Variants in CDO1 observed in about 807,000 individuals in gnomAD.
CDO1 encodes the protein cysteine dioxygenase type 1.
In CDO1, 19 loss-of-function variants were observed where a neutral mutation model predicts 24.5. That is an observed-to-expected ratio of 0.77 (90% confidence interval 0.54 to 1.14). The LOEUF (loss-of-function observed/expected upper bound fraction) is 1.14, where lower values mean the gene tolerates loss of function less well. Ranked by LOEUF, CDO1 falls within the 50% of genes most tolerant of loss-of-function variation. The probability of loss-of-function intolerance (pLI) is 0.00; values close to 1 mark genes in which losing one functional copy is unlikely to be tolerated. For synonymous variants in CDO1, 91 were observed against 87.0 expected (o/e 1.05, Z -0.26); for missense variants, 244 against 244.8 (o/e 1.00, Z 0.02).
intron 3 of CDO1, among the ~76,000 whole-genome samples, chr5:115,810,065 A>G (rs1449981729): frequency 6.6e-6 from 1 of 152,228 alleles, no homozygotes; most frequent in Non-Finnish European, 1.5e-5. Context: ...CTCCAGCTGA[A>G]AGTAATTATT....
rs143367368 is a variant in CDO1 at position 115,806,428 on chromosome 5, T to C, written c.494A>G (p.His165Arg). The C allele has an allele frequency of 5.6e-6, 9 of 1,612,742 alleles. No homozygotes were observed. The highest frequency in any genetic ancestry group is 1.3e-5 in the African/African-American group (1 of 75,016). Reference sequence around the variant, plus strand: ...ATGTCCTGTTCTTTGATCAAAGGCATGGCATGTATCAAAAGGTGGACTGTA... The same window carrying C: ...ATGTCCTGTTCTTTGATCAAAGGCACGGCATGTATCAAAAGGTGGACTGTA... ...HLYSPPFDTC[H>R]AFDQRTGHKN... Residue 165 changes from histidine to arginine, a missense_variant, in exon 4 of 5, where the codon CAT (histidine) becomes CGT (arginine). Transcript: ENST00000250535.
rs764835868 is a variant in CDO1, at chr5:115,806,377, T to C, written c.545A>G (p.His182Arg). ...TGGAGTTCTGATTCCAAATTTACTA[T>C]GGAATGTCATTGTGACTTTGTTTTT... is the stretch of plus-strand genomic sequence containing the variant. ...GHKNKVTMTF[H>R]SKFGIRTPNA... Residue 182 changes from histidine to arginine, a missense_variant, in exon 4 of 5, where the codon CAT (histidine) becomes CGT (arginine). Coordinates refer to ENST00000250535, the MANE Select transcript of CDO1 (RefSeq NM_001801.3). The C allele has an allele frequency of 1.2e-6, 2 of 1,604,760 alleles. No homozygotes were observed. The highest frequency in any genetic ancestry group is 1.3e-5 in the African/African-American group (1 of 74,462).
At chr5:115,812,130 G>A (rs567572751) in intron 2 of CDO1, among the ~76,000 whole-genome samples, 11 of 152,216 alleles carry the variant, frequency 7.2e-5, no homozygotes, top group Admixed American at 7.2e-4. Flanking sequence ...AATCCACAGA[G>A]TCTAGTCCCA....
At chr5:115,813,068 A>G in intron 2 of CDO1, 113 bp downstream of exon 2, 1 of 523,856 alleles carries the variant, frequency 1.9e-6, no homozygotes, top group Non-Finnish European at 3.3e-6. Context: ...AAAAAAAAAA[A>G]AAAAAATGAG....
At chr5:115,813,097 G>C in intron 2 of CDO1, 84 bp downstream of exon 2, 1 of 455,896 alleles carries the variant, frequency 2.2e-6, no homozygotes, top group Non-Finnish European at 4.1e-6. Context: ...CTACTTGTAA[G>C]ACCTGTGGCT....
intron 1 of CDO1, chr5:115,814,358 T>G (rs1214090604): frequency 6.6e-6 from 1 of 152,256 alleles, no homozygotes; most frequent in African/African-American, 2.4e-5. Context: ...GGATAATCTT[T>G]GTTGCTTCTC....
At chr5:115,815,891 G>A (rs1292018579) in intron 1 of CDO1, among the ~76,000 whole-genome samples, 1 of 152,258 alleles carries the variant, frequency 6.6e-6, no homozygotes, top group Non-Finnish European at 1.5e-5. Flanking sequence ...CGAGGCCAGG[G>A]GCAGGAGGAC....
intron 3 of CDO1, among the ~76,000 whole-genome samples, 188 bp downstream of exon 3, chr5:115,810,973 A>G (rs1489223158): frequency 6.6e-6 from 1 of 152,228 alleles, no homozygotes; most frequent in Non-Finnish European, 1.5e-5. Context: ...TATGTTTTCA[A>G]TAAGTGATTC....
At position 115,811,265 on chromosome 5, in the gene CDO1, C is replaced by A. The variant is rs773026275; in HGVS notation, c.299G>T (p.Gly100Val). Residue 100 changes from glycine (G) to valine (V), a missense_variant, in exon 3 of 5, where the codon GGA (glycine) becomes GTA (valine). Coordinates refer to ENST00000250535, the MANE Select transcript of CDO1 (RefSeq NM_001801.3). ...GGCAAATAATGTCTCCTTTAGATTTCCCTGTAGCATCTTCAGAAAGCAGTG... is the reference window on the plus strand; with the variant it reads ...GGCAAATAATGTCTCCTTTAGATTTACCTGTAGCATCTTCAGAAAGCAGTG... ...NSHCFLKMLQ[G>V]NLKETLFAWP... 3.6e-5 allele frequency: 58 copies of A among 1,612,902 alleles called. No homozygotes were observed. The highest frequency in any genetic ancestry group is 4.7e-5 in the Non-Finnish European group (56 of 1,179,176).
chr5:115,809,250 T>A (rs992895029), intron 3 of CDO1, among the ~76,000 whole-genome samples: 2 of 152,114 alleles, frequency 1.3e-5, no homozygotes, highest in African/African-American at 2.4e-5. Context: ...TATATTTTGA[T>A]CTTTGCTTCT....
chr5:115,810,318 G>A (rs377106926), intron 3 of CDO1, among the ~76,000 whole-genome samples: 11 of 151,916 alleles, frequency 7.2e-5, no homozygotes, highest in East Asian at 5.8e-4. Context: ...GCCAAATATC[G>A]AGGCCAGTAA....
At position 115,811,251 on chromosome 5, in the gene CDO1, T is replaced by G. The variant is rs761463048; in HGVS notation, c.313A>C (p.Thr105Pro). The G allele has an allele frequency of 6.2e-7, 1 of 1,612,980 alleles. No individual in the cohort carries two copies. Among genetic ancestry groups the G allele is most frequent in the African/African-American group, 1.3e-5 (1 of 74,896 alleles). Residue 105 changes from threonine to proline, a missense_variant, in exon 3 of 5, where the codon ACA (threonine) becomes CCA (proline). Physicochemically the swap from Thr to Pro is conservative, Grantham distance 38. Transcript: ENST00000250535. ...LKMLQGNLKE[T>P]LFAWPDKKSN... ...TTTTTGTCAGGCCAGGCAAATAATGTCTCCTTTAGATTTCCCTGTAGCATC... is the reference window on the plus strand; with the variant it reads ...TTTTTGTCAGGCCAGGCAAATAATGGCTCCTTTAGATTTCCCTGTAGCATC...
At position 115,806,237 on chromosome 5, in the gene CDO1, C is replaced by A. The variant is rs55928822; in HGVS notation, c.573+112G>T. ...AGTCGCTAAAGTTAAATAAAACAAT[C>A]AAGATATATTGGGCCTTATCCATGA... On this transcript the variant is annotated intron_variant, in intron 4 of 4. Coordinates refer to ENST00000250535, the MANE Select transcript of CDO1 (RefSeq NM_001801.3). 1.7e-3 allele frequency: 924 copies of A among 552,922 alleles called. 8 individuals are homozygous for A. The highest frequency in any genetic ancestry group is 0.015 in the African/African-American group (790 of 51,156). 34.3% of individuals were successfully genotyped at this position (552,922 alleles called of 1,614,324 possible).
intron 1 of CDO1, among the ~76,000 whole-genome samples, chr5:115,815,967 G>A (rs994700442): frequency 1.3e-5 from 2 of 152,248 alleles, no homozygotes; most frequent in East Asian, 1.9e-4. Context: ...GACGCGCGGT[G>A]GCCTCCCTTC....
In CDO1 at chr5:115,805,431, C is replaced by G. The variant is rs1759902620; in HGVS notation, c.*2G>C. 6.2e-7 allele frequency: 1 copy of G among 1,613,716 alleles called. No individual in the cohort carries two copies. Among genetic ancestry groups the G allele is most frequent in the African/African-American group, 1.3e-5 (1 of 74,984 alleles). ...GTAAAACCTCAGAGGGTTTGGTGCC[C>G]CTTAGTTGTTCTCCAGCGAGCCCGA... On this transcript the variant is annotated 3_prime_UTR_variant, in exon 5 of 5. Coordinates refer to ENST00000250535, the MANE Select transcript of CDO1 (RefSeq NM_001801.3).
chr5:115,811,396 C>T, intron 2 of CDO1, 81 bp from the exon 3 acceptor site: 5 of 953,656 alleles, frequency 5.2e-6, no homozygotes, highest in Non-Finnish European at 8.0e-6. Context: ...CCAGAACTGA[C>T]ACCTGCATAC....
rs150634620 is a variant in CDO1 at position 115,816,183 on chromosome 5, G to A, written c.170+45C>T. 2.5e-5 allele frequency: 40 copies of A among 1,583,776 alleles called. No individual in the cohort carries two copies. The East Asian group carries it at 3.7e-4, about 15-fold the overall frequency. ...CCCCCACGTCCATTCCTCCTCAGAC[G>A]GGGCGAGTGGGCGCCGCCTGGCATT... On this transcript the variant is annotated intron_variant, in intron 1 of 4. Coordinates refer to ENST00000250535, the MANE Select transcript of CDO1 (RefSeq NM_001801.3).
At chr5:115,807,191 G>A (rs769284112) in intron 3 of CDO1, among the ~76,000 whole-genome samples, 37 of 152,186 alleles carry the variant, frequency 2.4e-4, no homozygotes, top group Non-Finnish European at 5.0e-4. Context: ...CGAGAATGCT[G>A]CCAGACAAGA....
intron 3 of CDO1, among the ~76,000 whole-genome samples, chr5:115,810,044 A>G (rs1464221107): frequency 6.6e-6 from 1 of 152,196 alleles, no homozygotes; most frequent in African/African-American, 2.4e-5. Context: ...CTATTTTCAC[A>G]AGCACTCTGA....
Sources: gnomAD v4.1 joint callset for allele counts (sites outside exome capture counted in the v4.1 genomes callset) on GRCh38, gnomAD v4.1.1 for gene constraint, MANE v1.5 for transcripts, NCBI Gene and HGNC (gene_info 2026-07-23, HGNC 2026-07-21) for gene names.